The following SMYD3 variants were observed in gnomAD, a reference collection of about 807,000 sequenced individuals.
The protein encoded by SMYD3 is histone-lysine N-methyltransferase SMYD3.
SMYD3 carries 36 observed loss-of-function variants against 57.7 expected under a neutral mutation model. The ratio of observed to expected loss-of-function variants is 0.62; its 90% confidence interval spans 0.48 to 0.82. SMYD3 has a LOEUF of 0.82. SMYD3 is among the 40% of genes least tolerant of loss of function. SMYD3 has a pLI of 0.00. For synonymous variants in SMYD3, 211 were observed against 195.0 expected (o/e 1.08, Z -0.68); for missense variants, 515 against 538.8 (o/e 0.96, Z 0.44).
At chr1:246,101,064 G>GTTTTTTTTTTTTTTTTTTTTTTTTTTTTT (rs538220674) in intron 5 of SMYD3, among the ~76,000 whole-genome samples, 1 of 78,564 alleles carries the variant, frequency 1.3e-5, no homozygotes, top group African/African-American at 3.7e-5. Flanking sequence ...ATTTTTAGGG[G>GTTTTTTTTTTTTTTTTTTTTTTTTTTTTT]TTTTTTGTTT....
chr1:245,913,228 T>G (rs2055134411), intron 8 of SMYD3, among the ~76,000 whole-genome samples: 2 of 151,974 alleles, frequency 1.3e-5, no homozygotes, highest in Non-Finnish European at 2.9e-5. Context: ...TGGATGAAGC[T>G]GGAAACCATC....
At chr1:246,441,147 A>T (rs2067457320) in intron 1 of SMYD3, among the ~76,000 whole-genome samples, 1 of 152,134 alleles carries the variant, frequency 6.6e-6, no homozygotes, top group African/African-American at 2.4e-5. Flanking sequence ...TTTATCCAAG[A>T]CTTTGAAAGA....
intron 5 of SMYD3, among the ~76,000 whole-genome samples, chr1:246,214,232 C>T (rs2063130506): frequency 6.6e-6 from 1 of 152,060 alleles, no homozygotes; most frequent in Non-Finnish European, 1.5e-5. Context: ...GATTTCACAT[C>T]CCAGGTCACA....
intron 1 of SMYD3, among the ~76,000 whole-genome samples, chr1:246,461,733 C>CAAAAAAATA (rs1553351707): frequency 4.9e-5 from 6 of 122,864 alleles, no homozygotes; most frequent in African/African-American, 1.9e-4. Context: ...GACTCTGTCT[C>CAAAAAAATA]AAAAAAAAAA....
intron 5 of SMYD3, among the ~76,000 whole-genome samples, chr1:246,253,357 G>T (rs2063826253): frequency 6.6e-6 from 1 of 152,194 alleles, no homozygotes; most frequent in Non-Finnish European, 1.5e-5. Flanking sequence ...ACTTCTAAGT[G>T]AGAACATGCG....
chr1:246,324,890 G>A (rs1426905759), intron 5 of SMYD3, among the ~76,000 whole-genome samples: 1 of 150,444 alleles, frequency 6.6e-6, no homozygotes, highest in Non-Finnish European at 1.5e-5. Flanking sequence ...ATCACACACC[G>A]TCAACATTCT....
chr1:246,051,067 A>G (rs1171698539), intron 5 of SMYD3, among the ~76,000 whole-genome samples: 1 of 151,822 alleles, frequency 6.6e-6, no homozygotes, highest in Non-Finnish European at 1.5e-5. Context: ...ACCAAGTACT[A>G]TTCTTTGGAA....
At chr1:246,170,098 A>T (rs2062302435) in intron 5 of SMYD3, among the ~76,000 whole-genome samples, 1 of 152,156 alleles carries the variant, frequency 6.6e-6, no homozygotes. Flanking sequence ...GAATAAGGAA[A>T]AAAGAGAATG....
intron 1 of SMYD3, among the ~76,000 whole-genome samples, chr1:246,389,997 C>T (rs951512865): frequency 6.6e-6 from 1 of 152,066 alleles, no homozygotes; most frequent in Non-Finnish European, 1.5e-5. Flanking sequence ...GGCAGATCTG[C>T]TGCGGGATGG....
intron 1 of SMYD3, among the ~76,000 whole-genome samples, chr1:246,438,001 T>C (rs2067405141): frequency 6.6e-6 from 1 of 152,190 alleles, no homozygotes; most frequent in Admixed American, 6.5e-5. Flanking sequence ...TACAAAATAT[T>C]TTCTCAAATC....
intron 5 of SMYD3, among the ~76,000 whole-genome samples, chr1:246,060,308 G>GT (rs35682342): frequency 4.3e-4 from 63 of 146,220 alleles, no homozygotes; most frequent in East Asian, 8.1e-4. Context: ...TAAAGGTTGC[G>GT]TTTTTTTTTT....
At chr1:246,079,502 T>C (rs115585604) in intron 5 of SMYD3, among the ~76,000 whole-genome samples, 1,604 of 152,350 alleles carry the variant, frequency 0.011, 15 homozygotes, top group South Asian at 0.037. Context: ...CTGTATTTTT[T>C]ATTTTTCTCT....
chr1:246,247,460 T>C (rs2063724603), intron 5 of SMYD3, among the ~76,000 whole-genome samples: 1 of 92,730 alleles, frequency 1.1e-5, no homozygotes, highest in East Asian at 7.9e-4. Context: ...TCTCTCTCTC[T>C]CTCTCTATAT....
chr1:246,219,492 TATC>T (rs2063217266), intron 5 of SMYD3, among the ~76,000 whole-genome samples: 1 of 152,134 alleles, frequency 6.6e-6, no homozygotes, highest in Admixed American at 6.5e-5. Context: ...TCCCTGCATT[TATC>T]ATCCTTCAAT....
chr1:246,206,017 C>A (rs1347507007), intron 5 of SMYD3, among the ~76,000 whole-genome samples: 1 of 152,144 alleles, frequency 6.6e-6, no homozygotes, highest in African/African-American at 2.4e-5. Context: ...TCAATTTCCA[C>A]GTCTCAGCTG....
intron 8 of SMYD3, among the ~76,000 whole-genome samples, chr1:245,894,145 T>C (rs1378396441): frequency 6.6e-6 from 1 of 152,132 alleles, no homozygotes; most frequent in African/African-American, 2.4e-5. Flanking sequence ...CACCAGCTGG[T>C]GCTCTGTAGC....
intron 5 of SMYD3, among the ~76,000 whole-genome samples, chr1:246,185,150 A>G (rs750741770): frequency 2.0e-5 from 3 of 152,234 alleles, no homozygotes; most frequent in Non-Finnish European, 4.4e-5. Context: ...AAGGCAAATA[A>G]ATTTTTCTTC....
At chr1:245,928,080 T>C (rs753788836) in intron 6 of SMYD3, 47 bp from the exon 7 acceptor site, 2 of 1,509,672 alleles carry the variant, frequency 1.3e-6, no homozygotes, top group South Asian at 1.1e-5. Context: ...GCAGGTAGAG[T>C]CAACTAAATT....
rs533234129 is a variant in SMYD3, at chr1:246,096,083, G to T, written c.532-166146C>A. Among the ~76,000 whole-genome samples, 3 of 152,272 alleles carry T rather than the reference G, an allele frequency of 2.0e-5. No homozygotes were observed. In the South Asian group the frequency reaches 6.2e-4, roughly 32 times the overall value. On this transcript the variant is annotated intron_variant, in intron 5 of 11. Coordinates refer to ENST00000490107, the MANE Select transcript of SMYD3 (RefSeq NM_001167740.2). ...CCATGAACAGCACACGTGCAATTCT[G>T]TGAGAACAGAGTAAATAAAACCGAT...
Sources: allele counts gnomAD v4.1 joint callset (sites outside exome capture counted in the v4.1 genomes callset), GRCh38; gene constraint gnomAD v4.1.1; transcripts MANE v1.5; gene names NCBI Gene and HGNC (gene_info 2026-07-23, HGNC 2026-07-21).